Variants in PLCD3 observed in about 807,000 individuals in gnomAD.
PLCD3 encodes 1-phosphatidylinositol 4,5-bisphosphate phosphodiesterase delta-3.
In PLCD3, 62 loss-of-function variants were observed where a neutral mutation model predicts 82.8. That is an observed-to-expected ratio of 0.75 (90% CI 0.61 to 0.93). The LOEUF (loss-of-function observed/expected upper bound fraction) is 0.93, where lower values mean the gene tolerates loss of function less well. Among genes scored for constraint, PLCD3 ranks in the 40% least tolerant of loss-of-function variants. The pLI is 0.00. For missense variants in PLCD3, 1,023 were observed against 1,103.4 expected, an observed-to-expected ratio of 0.93 and a Z score of 1.03; for synonymous variants, 478 against 471.8, an observed-to-expected ratio of 1.01 and a Z score of -0.17.
At position 45,112,891 on chromosome 17, in the gene PLCD3, A is replaced by C. The variant is rs1394737537; in HGVS notation, c.2253T>G (p.Phe751Leu). Residue 751 changes from phenylalanine (F) to leucine (L), a missense_variant, in exon 14 of 15, where the codon TTT (phenylalanine) becomes TTG (leucine). Coordinates refer to ENST00000619929, the MANE Select transcript of PLCD3 (RefSeq NM_133373.5). ...ATSPNDFVGQ[F>L]TLPLSSLKQG... Reference sequence around the variant, plus strand: ...GCTTTAGGCTGCTAAGAGGCAGTGTAAACTGGCCCACAAAGTCATTGGGGG... The same window carrying C: ...GCTTTAGGCTGCTAAGAGGCAGTGTCAACTGGCCCACAAAGTCATTGGGGG... 2 of 1,612,430 alleles carry C rather than the reference A, an allele frequency of 1.2e-6. No individual in the cohort carries two copies. The highest frequency in any genetic ancestry group is 2.2e-5 in the East Asian group (1 of 44,866).
chr17:45,129,229 G>A (rs972065391), intron 1 of PLCD3: 1 of 152,296 alleles, frequency 6.6e-6, no homozygotes, highest in African/African-American at 2.4e-5. Flanking sequence ...CAAGGCAGGA[G>A]GATTCTTTTA....
rs953914988 is a variant in PLCD3, at chr17:45,111,963, G to C, written c.*653C>G. 4 of 152,490 alleles carry C rather than the reference G, an allele frequency of 2.6e-5. No individual in the cohort carries two copies. The highest frequency in any genetic ancestry group is 4.4e-5 in the Non-Finnish European group (3 of 68,336). 9.4% of individuals were successfully genotyped at this position (152,490 alleles called of 1,614,324 possible). ...TGAGATGGGAGGATCGCTTGAGCCT[G>C]GGAGTTCAAAGCTGCAGTGAGCCAT... On this transcript the variant is annotated 3_prime_UTR_variant, in exon 15 of 15. Coordinates refer to ENST00000619929, the MANE Select transcript of PLCD3 (RefSeq NM_133373.5).
intron 8 of PLCD3, 66 bp downstream of exon 8, chr17:45,116,566 G>A (rs1267848494): frequency 6.2e-6 from 9 of 1,447,032 alleles, no homozygotes; most frequent in Non-Finnish European, 8.3e-6. Context: ...GGTGGCACGA[G>A]CAGTGCGGGG....
At position 45,113,521 on chromosome 17, in the gene PLCD3, A is replaced by G; in HGVS notation, c.1913T>C (p.Leu638Pro). Residue 638 changes from leucine (L) to proline (P), a missense_variant, in exon 12 of 15, where the codon CTA (leucine) becomes CCA (proline). By Grantham distance (98) the Leu-to-Pro change is moderately conservative. This residue lies in a region of PLCD3 where 553 missense variants were observed against 655.7 expected (regional missense o/e 0.84). Transcript: ENST00000619929. ...FLVNGQCGYV[L>P]KPACLRQPDS... ...AGGTTGCCGCAGGCAGGCAGGTTTT[A>G]GGACGTAGCCACACTGCCCATTGAC... 6.3e-7 allele frequency: 1 copy of G among 1,577,476 alleles called. No homozygotes were observed. The highest frequency in any genetic ancestry group is 8.6e-7 in the Non-Finnish European group (1 of 1,162,122).
At position 45,118,469 on chromosome 17, in the gene PLCD3, G is replaced by A. The variant is rs34590050; in HGVS notation, c.937C>T (p.Leu313=). 6.3e-4 allele frequency: 1,016 copies of A among 1,613,974 alleles called. 3 individuals are homozygous for A. In the African/African-American group the frequency reaches 0.012, roughly 18 times the overall value. The change falls in exon 6 of 15, where the codon CTG becomes TTG. Residue 313 remains leucine, a synonymous_variant. Transcript: ENST00000619929. The surrounding 1 kb of genome is among the most constrained non-coding windows in gnomAD (Gnocchi z 4.1). The part of the protein sequence containing the change: ...ETAKQHELMT[L]DGFMMYLLSP... Reference sequence around the variant, plus strand: ...AACAGGTACATCATGAAGCCATCCAGTGTCATCAGCTCATGCTGCTTGGCT... The same window carrying A: ...AACAGGTACATCATGAAGCCATCCAATGTCATCAGCTCATGCTGCTTGGCT...
chr17:45,115,258 C>A lies in PLCD3; in HGVS notation c.1561-14G>T. The A allele has an allele frequency of 6.5e-7, 1 of 1,547,888 alleles. No individual in the cohort carries two copies. ...GATCTGCTTGGCCTAGGAGACCAGG[C>A]TCAGCGGGGTTCAGCTGGCCCCCGC... is the stretch of plus-strand genomic sequence containing the variant. On this transcript the variant is annotated splice_polypyrimidine_tract_variant and intron_variant, in intron 9 of 14. Transcript: ENST00000619929.
At position 45,111,398 on chromosome 17, in the gene PLCD3, GTGTGTT is replaced by G. The variant is rs1210466184; in HGVS notation, c.*1212_*1217del. 1 of 152,662 alleles carries G rather than the reference GTGTGTT, an allele frequency of 6.6e-6. No homozygotes were observed. Among genetic ancestry groups the G allele is most frequent in the African/African-American group, 2.4e-5 (1 of 41,306 alleles). 9.5% of individuals were successfully genotyped at this position (152,662 alleles called of 1,614,324 possible). A position where few individuals can be genotyped will look rare whatever the true frequency, so the allele number is the denominator to read the frequency against. On this transcript the variant is annotated 3_prime_UTR_variant, in exon 15 of 15. Transcript: ENST00000619929. ...AGTGTGTGTGTGTGTGTGTGTGTGT[GTGTGTT>G]GTGGGGAGGCGCTGACCTGCTGAAT... is the stretch of plus-strand genomic sequence containing the variant.
intron 1 of PLCD3, among the ~76,000 whole-genome samples, chr17:45,131,346 A>C: frequency 6.6e-6 from 1 of 152,192 alleles, no homozygotes; most frequent in Admixed American, 6.5e-5. Context: ...GGTCCAACGC[A>C]GCACTTCAGT....
In PLCD3 at chr17:45,132,143, G is replaced by T; in HGVS notation, c.163+105C>A. On this transcript the variant is annotated intron_variant, in intron 1 of 14. Transcript: ENST00000619929. This position sits in a 1 kb window ranked among gnomAD's most constrained non-coding sequence, Gnocchi z 4.6. ...CTCCGCCCCTAGCCATAGCCTCCCA[G>T]CCCCGTGCAGCCTGGGGAATCCACG... 8.7e-7 allele frequency: 1 copy of T among 1,154,452 alleles called. No individual in the cohort carries two copies. The highest frequency in any genetic ancestry group is 1.1e-6 in the Non-Finnish European group (1 of 918,888). The allele number at this position is 1,154,452 out of a possible 1,614,324, so 71.5% of individuals were successfully genotyped here.
intron 10 of PLCD3, among the ~76,000 whole-genome samples, chr17:45,114,868 G>A (rs888559145): frequency 2.6e-5 from 4 of 151,790 alleles, no homozygotes; most frequent in Non-Finnish European, 5.9e-5. Flanking sequence ...CTCTATGGCC[G>A]GCCCCACCAC....
Position 45,121,005 on chromosome 17 carries a change from C to T in PLCD3, c.451G>A (p.Asp151Asn). Reference protein sequence around the residue: ...IAFKGRRKNLDLAAPTAEEAQ... With the variant: ...IAFKGRRKNLNLAAPTAEEAQ... Reference sequence around the variant, plus strand: ...TCCTCAGCCGTGGGCGCCGCCAGGTCCAGGTTCTTGCGGCGGCCCTTGAAG... The same window carrying T: ...TCCTCAGCCGTGGGCGCCGCCAGGTTCAGGTTCTTGCGGCGGCCCTTGAAG... The change falls in exon 3 of 15, where the codon GAC becomes AAC. Residue 151 changes from aspartate (D) to asparagine (N), a missense_variant. By Grantham distance (23) the Asp-to-Asn change is conservative. Around this residue, in one of 3 missense-constraint regions of PLCD3, gnomAD observed 448 missense variants for 406.3 expected, o/e 1.10. Transcript: ENST00000619929. 6.5e-7 allele frequency: 1 copy of T among 1,540,448 alleles called. No individual in the cohort carries two copies. Among genetic ancestry groups the T allele is most frequent in the Non-Finnish European group, 8.7e-7 (1 of 1,150,564 alleles).
chr17:45,126,917 C>T (rs560156255), intron 1 of PLCD3, among the ~76,000 whole-genome samples: 1 of 152,358 alleles, frequency 6.6e-6, no homozygotes, highest in South Asian at 2.1e-4. Flanking sequence ...GCCTCTGCCT[C>T]CCAAAGTGCT....
In PLCD3 at chr17:45,118,143, G is replaced by A; in HGVS notation, c.1116-5C>T. The A allele has an allele frequency of 6.2e-7, 1 of 1,613,992 alleles. No individual in the cohort carries two copies. Among genetic ancestry groups the A allele is most frequent in the Non-Finnish European group, 8.5e-7 (1 of 1,179,884 alleles). ...CGGCATCCCTGGGCAAAGGCCCTGT[G>A]TGTGGACAGATGGGTGGACGGGCAA... On this transcript the variant is annotated splice_region_variant and splice_polypyrimidine_tract_variant and intron_variant, in intron 6 of 14. Coordinates refer to ENST00000619929, the MANE Select transcript of PLCD3 (RefSeq NM_133373.5). This position sits in a 1 kb window ranked among gnomAD's most constrained non-coding sequence, Gnocchi z 4.1.
Position 45,132,500 on chromosome 17 carries a change from G to C in PLCD3, c.-90C>G, listed in dbSNP as rs890815430. The C allele has an allele frequency of 8.3e-6, 7 of 844,334 alleles. No homozygotes were observed. The highest frequency in any genetic ancestry group is 1.1e-5 in the Non-Finnish European group (7 of 661,324). 52.3% of individuals were successfully genotyped at this position (844,334 alleles called of 1,614,324 possible). A position where few individuals can be genotyped will look rare whatever the true frequency, so the allele number is the denominator to read the frequency against. Reference sequence around the variant, plus strand: ...CTCTGGCCCGGCCCCGGCTCTGAGCGAGGCGGCGAGCGAAGAAACTTAGCG... The same window carrying C: ...CTCTGGCCCGGCCCCGGCTCTGAGCCAGGCGGCGAGCGAAGAAACTTAGCG... On this transcript the variant is annotated 5_prime_UTR_variant, in exon 1 of 15. Transcript: ENST00000619929. This position sits in a 1 kb window ranked among gnomAD's most constrained non-coding sequence, Gnocchi z 4.6.
chr17:45,116,300 A>G (rs549390157), intron 8 of PLCD3, among the ~76,000 whole-genome samples: 1 of 152,288 alleles, frequency 6.6e-6, no homozygotes, highest in Admixed American at 6.5e-5. Context: ...CCGAGAAGGG[A>G]CTTCCAGGTG....
chr17:45,123,869 T>C (rs538405489), intron 1 of PLCD3, among the ~76,000 whole-genome samples: 181 of 151,900 alleles, frequency 1.2e-3, no homozygotes, highest in Non-Finnish European at 2.2e-3. Context: ...CGGTACCCCC[T>C]GGTCAGGAAG....
chr17:45,118,516 A>G lies in PLCD3; in HGVS notation c.914-24T>C. 6.2e-7 allele frequency: 1 copy of G among 1,612,794 alleles called. No homozygotes were observed. The highest frequency in any genetic ancestry group is 1.1e-5 in the South Asian group (1 of 90,976). On this transcript the variant is annotated intron_variant, in intron 5 of 14. Transcript: ENST00000619929. The surrounding 1 kb of genome is among the most constrained non-coding windows in gnomAD (Gnocchi z 4.1). ...GGCTGCAGGGGTGGCAGGAGAGGGCATCAGGCCACATAGGGATCCCCCATG... is the reference window on the plus strand; with the variant it reads ...GGCTGCAGGGGTGGCAGGAGAGGGCGTCAGGCCACATAGGGATCCCCCATG...
Position 45,117,985 on chromosome 17 carries a change from G to A in PLCD3, c.1260+9C>T. Reference sequence around the variant, plus strand: ...TGTGGGGCTGGGGCTGGGCATCCCAGGGGCTCACCGTGAAGGCATGGTCGC... The same window carrying A: ...TGTGGGGCTGGGGCTGGGCATCCCAAGGGCTCACCGTGAAGGCATGGTCGC... On this transcript the variant is annotated intron_variant, in intron 7 of 14. Coordinates refer to ENST00000619929, the MANE Select transcript of PLCD3 (RefSeq NM_133373.5). 6.2e-7 allele frequency: 1 copy of A among 1,612,832 alleles called. No individual in the cohort carries two copies. The highest frequency in any genetic ancestry group is 8.5e-7 in the Non-Finnish European group (1 of 1,179,630).
chr17:45,115,953 G>C (rs1448473972), intron 8 of PLCD3, among the ~76,000 whole-genome samples: 1 of 152,246 alleles, frequency 6.6e-6, no homozygotes, highest in East Asian at 1.9e-4. Context: ...GGTCAGTGGA[G>C]GGAGGGGAGC....
Sources: gnomAD v4.1 joint callset for allele counts (sites outside exome capture counted in the v4.1 genomes callset) on GRCh38, gnomAD v4.1.1 for gene constraint, gnomAD v4.1.1 regional missense constraint, Gnocchi (gnomAD v3.1) non-coding constraint, MANE v1.5 for transcripts, NCBI Gene and HGNC (gene_info 2026-07-23, HGNC 2026-07-21) for gene names.